Variants in RPS6KC1 observed in about 807,000 individuals in gnomAD.
The protein encoded by RPS6KC1 is ribosomal protein S6 kinase C1.
In RPS6KC1, 54 loss-of-function variants were observed where a neutral mutation model predicts 103.8. The ratio of observed to expected loss-of-function variants is 0.52; its 90% confidence interval spans 0.42 to 0.65. The LOEUF (loss-of-function observed/expected upper bound fraction) is 0.65. RPS6KC1 is among the 30% of genes least tolerant of loss of function. The pLI, the probability that RPS6KC1 is intolerant of heterozygous loss-of-function variation, is 0.00. For synonymous variants in RPS6KC1, 439 were observed against 438.7 expected (o/e 1.00, Z -0.01); for missense variants, 1,151 against 1,253.8 (o/e 0.92, Z 1.24).
chr1:213,113,285 G>C, intron 4 of RPS6KC1, among the ~76,000 whole-genome samples: 1 of 151,958 alleles, frequency 6.6e-6, no homozygotes, highest in Non-Finnish European at 1.5e-5. Flanking sequence ...TCTCATTGTG[G>C]TTTTGATTTG....
chr1:213,379,210 C>T, the RPS6KC1 span, among the ~76,000 whole-genome samples: 9 of 152,300 alleles, frequency 5.9e-5, no homozygotes, highest in East Asian at 9.6e-4. Context: ...AATTCTGTCT[C>T]TCCCAAATTC....
chr1:213,439,419 C>G, the RPS6KC1 span, among the ~76,000 whole-genome samples: 1 of 143,442 alleles, frequency 7.0e-6, no homozygotes, highest in Non-Finnish European at 1.5e-5. Context: ...GTTGCTTATT[C>G]TTATTGGTAG....
the RPS6KC1 span, among the ~76,000 whole-genome samples, chr1:213,365,906 TC>T: frequency 2.0e-5 from 3 of 152,224 alleles, no homozygotes; most frequent in African/African-American, 7.2e-5. Context: ...GAGATTGTGT[TC>T]CAATAAAACT....
the RPS6KC1 span, among the ~76,000 whole-genome samples, chr1:213,528,400 A>G: frequency 1.1e-3 from 163 of 151,804 alleles, 1 homozygote; most frequent in African/African-American, 3.8e-3. Flanking sequence ...ATTAACTCCC[A>G]TGGCTCCCTC....
chr1:213,796,326 T>G, the RPS6KC1 span, among the ~76,000 whole-genome samples: 1 of 152,202 alleles, frequency 6.6e-6, no homozygotes, highest in South Asian at 2.1e-4. Context: ...GATTGTGTTA[T>G]TCTGTATCTT....
intron 6 of RPS6KC1, among the ~76,000 whole-genome samples, chr1:213,151,203 C>T (rs1235173713): frequency 7.3e-6 from 1 of 137,776 alleles, no homozygotes. Flanking sequence ...GATGGGGCGG[C>T]TGGCCAGGCG....
chr1:213,538,579 A>T, the RPS6KC1 span, among the ~76,000 whole-genome samples: 1 of 152,150 alleles, frequency 6.6e-6, no homozygotes, highest in African/African-American at 2.4e-5. Flanking sequence ...TCTAGGAAGA[A>T]TAGTGTTTAG....
the RPS6KC1 span, among the ~76,000 whole-genome samples, chr1:213,718,457 A>G: frequency 6.6e-6 from 1 of 152,238 alleles, no homozygotes; most frequent in Non-Finnish European, 1.5e-5. Flanking sequence ...CTTCCTGGAT[A>G]TGTAACACCC....
At chr1:213,461,300 A>G in the RPS6KC1 span, among the ~76,000 whole-genome samples, 1 of 152,366 alleles carries the variant, frequency 6.6e-6, no homozygotes, top group African/African-American at 2.4e-5. Flanking sequence ...AACAAATGGA[A>G]AAACATTCCA....
At chr1:213,363,607 TTG>T in the RPS6KC1 span, among the ~76,000 whole-genome samples, 201 of 69,250 alleles carry the variant, frequency 2.9e-3, 12 homozygotes, top group South Asian at 8.1e-3. Context: ...GCTCGCTCGC[TTG>T]CTTGCTTGCT....
At chr1:213,109,855 T>TTTTTATTGG (rs1246442149) in intron 4 of RPS6KC1, among the ~76,000 whole-genome samples, 2 of 152,060 alleles carry the variant, frequency 1.3e-5, no homozygotes, top group African/African-American at 4.8e-5. Context: ...ATTGGAGATT[T>TTTTTATTGG]AGAGGGTGTG....
the RPS6KC1 span, among the ~76,000 whole-genome samples, chr1:213,510,870 G>A: frequency 6.6e-6 from 1 of 152,052 alleles, no homozygotes; most frequent in Admixed American, 6.5e-5. Flanking sequence ...GACTACTTTG[G>A]TGCCTAGCCC....
chr1:213,547,291 T>A, the RPS6KC1 span, among the ~76,000 whole-genome samples: 1 of 152,254 alleles, frequency 6.6e-6, no homozygotes, highest in African/African-American at 2.4e-5. Flanking sequence ...CAGATTGATT[T>A]TCCTGGCTCT....
the RPS6KC1 span, among the ~76,000 whole-genome samples, chr1:213,376,407 A>T: frequency 5.7e-4 from 87 of 151,802 alleles, no homozygotes; most frequent in African/African-American, 1.2e-3. Context: ...TATTTTTTTT[A>T]AAATTGCATA....
intron 8 of RPS6KC1, among the ~76,000 whole-genome samples, chr1:213,227,707 G>T (rs1297160834): frequency 6.6e-6 from 1 of 152,184 alleles, no homozygotes; most frequent in African/African-American, 2.4e-5. Flanking sequence ...GATCCTAGAA[G>T]CCTCTCTCCA....
the RPS6KC1 span, among the ~76,000 whole-genome samples, chr1:213,528,245 A>G: frequency 6.6e-6 from 1 of 152,208 alleles, no homozygotes; most frequent in Non-Finnish European, 1.5e-5. Context: ...TGGCAGAAAA[A>G]AAAGCAAACA....
the RPS6KC1 span, among the ~76,000 whole-genome samples, chr1:213,693,840 G>T: frequency 2.6e-5 from 4 of 152,114 alleles, no homozygotes; most frequent in Non-Finnish European, 4.4e-5. Flanking sequence ...TAAAAACTAG[G>T]TTAGCTTTCT....
In RPS6KC1 at chr1:213,117,399, G is replaced by A. The variant is rs751886508; in HGVS notation, c.461G>A (p.Cys154Tyr). 1.6e-5 allele frequency: 25 copies of A among 1,598,408 alleles called. No homozygotes were observed. In the South Asian group the frequency reaches 2.0e-4, roughly 13 times the overall value. The change falls in exon 5 of 15, where the codon TGT (cysteine) becomes TAT (tyrosine). Residue 154 changes from cysteine to tyrosine, a missense_variant. By Grantham distance (194) the Cys-to-Tyr change is radical (BLOSUM62 -2). Around this residue, in one of 3 missense-constraint regions of RPS6KC1, gnomAD observed 959 missense variants for 1,006.3 expected, o/e 0.95. Transcript: ENST00000366960. Reference protein sequence around the residue: ...SDSLIDTFPECSTEGFSSDSD... With the variant: ...SDSLIDTFPEYSTEGFSSDSD... ...TCCCTCATTGATACCTTTCCTGAGT[G>A]TAGTACGGAAGGTAAGAGATTTTAA...
At chr1:213,380,477 CT>C in the RPS6KC1 span, among the ~76,000 whole-genome samples, 4 of 152,026 alleles carry the variant, frequency 2.6e-5, no homozygotes, top group Non-Finnish European at 5.9e-5. Context: ...ACATGTACCC[CT>C]GAACTTAAAA....
Sources: allele counts gnomAD v4.1 joint callset (sites outside exome capture counted in the v4.1 genomes callset), GRCh38; gene constraint gnomAD v4.1.1; regional missense constraint gnomAD v4.1.1; transcripts MANE v1.5; gene names NCBI Gene and HGNC (gene_info 2026-07-23, HGNC 2026-07-21).